The following EREG variants were observed in gnomAD, a reference collection of about 807,000 sequenced individuals.
EREG encodes the protein epiregulin.
A neutral mutation model predicts 22.4 loss-of-function variants in EREG; 23 were observed. The ratio of observed to expected loss-of-function variants is 1.03; its 90% CI spans 0.74 to 1.46. EREG has a LOEUF of 1.46. EREG is among the 40% of genes most tolerant of loss of function. EREG has a pLI of 0.00. For synonymous variants in EREG, 100 were observed against 75.4 expected (o/e 1.33, Z -1.69); for missense variants, 226 against 205.9 (o/e 1.10, Z -0.60).
chr4:74,375,605 A>C (rs1053332339), intron 1 of EREG, among the ~76,000 whole-genome samples: 1 of 151,830 alleles, frequency 6.6e-6, no homozygotes. Context: ...CTGGGATTAC[A>C]GGCGTGAGCC....
At chr4:74,376,598 T>C (rs572320554) in intron 1 of EREG, among the ~76,000 whole-genome samples, 24 of 152,370 alleles carry the variant, frequency 1.6e-4, no homozygotes, top group African/African-American at 5.8e-4. Flanking sequence ...GCTTTAGCTA[T>C]TTCTTTGTCA....
intron 2 of EREG, 138 bp from the exon 3 acceptor site, chr4:74,380,876 C>T: frequency 1.2e-6 from 1 of 832,502 alleles, no homozygotes; most frequent in South Asian, 1.8e-5. Flanking sequence ...GAGTGACTTC[C>T]TACTTCTCAA....
In EREG at chr4:74,370,861, G is replaced by T. The variant is rs539271112; in HGVS notation, c.67+5486G>T. ...TTTTCAGAGATAAGGCAGCTCAGTTGCAGGGAAACAAAATAAGTATGTGAG... is the reference window on the plus strand; with the variant it reads ...TTTTCAGAGATAAGGCAGCTCAGTTTCAGGGAAACAAAATAAGTATGTGAG... On this transcript the variant is annotated intron_variant, in intron 1 of 4. Transcript: ENST00000244869. 2.6e-5 allele frequency among the ~76,000 whole-genome samples: 4 copies of T among 152,294 alleles called. No homozygotes were observed. In the South Asian group the frequency reaches 8.3e-4, roughly 32 times the overall value.
chr4:74,386,104 G>A lies in EREG; in HGVS notation c.*1296G>A. ...CTGCACTCTGAGCCCATAGGTCTCA[G>A]AGAGTTAATAGGAGTATTTTTGGGC... On this transcript the variant is annotated 3_prime_UTR_variant, in exon 5 of 5. Coordinates refer to ENST00000244869, the MANE Select transcript of EREG (RefSeq NM_001432.3). 2 of 309,726 alleles carry A rather than the reference G, an allele frequency of 6.5e-6. No homozygotes were observed. The highest frequency in any genetic ancestry group is 5.9e-6 in the Non-Finnish European group (1 of 170,280). The allele number at this position is 309,726 out of a possible 1,614,324, so 19.2% of individuals were successfully genotyped here.
Position 74,384,742 on chromosome 4 carries a change from A to C in EREG, c.444A>C (p.Lys148Asn). ...ATATTTCCAGGTACAGAAATCGAAA[A>C]AGTAAAGAACCAAAGAAGGAATATG... is the stretch of plus-strand genomic sequence containing the variant. ...YYFCRWYRNR[K>N]SKEPKKEYER... Residue 148 changes from lysine to asparagine, a missense_variant, in exon 5 of 5, where the codon AAA becomes AAC. Physicochemically the swap from Lys to Asn is moderately conservative, Grantham distance 94 (BLOSUM62 0). Coordinates refer to ENST00000244869, the MANE Select transcript of EREG (RefSeq NM_001432.3). 1.2e-6 allele frequency: 2 copies of C among 1,611,984 alleles called. No homozygotes were observed. Among genetic ancestry groups the C allele is most frequent in the Non-Finnish European group, 1.7e-6 (2 of 1,178,212 alleles).
chr4:74,382,323 A>G (rs1006585651), intron 3 of EREG: 13 of 195,998 alleles, frequency 6.6e-5, no homozygotes, highest in Non-Finnish European at 1.2e-4. Context: ...ACAGACAAAC[A>G]AACAAAAAAA....
intron 1 of EREG, among the ~76,000 whole-genome samples, chr4:74,372,312 T>C (rs956440300): frequency 6.6e-6 from 1 of 152,246 alleles, no homozygotes; most frequent in Non-Finnish European, 1.5e-5. Context: ...TCGAGTCTTT[T>C]GAAATCATCT....
At chr4:74,367,517 C>T (rs947735607) in intron 1 of EREG, among the ~76,000 whole-genome samples, 7 of 152,156 alleles carry the variant, frequency 4.6e-5, no homozygotes, top group South Asian at 2.1e-4. Context: ...TAACATCAAA[C>T]ATTTTTATTC....
rs1752498778 is a variant in EREG, at chr4:74,382,711, C to G, written c.345C>G (p.Ser115Arg). The change falls in exon 4 of 5, where the codon AGC becomes AGG. Residue 115 changes from serine to arginine, a missense_variant. Ser to Arg is a moderately radical substitution (Grantham distance 110). Transcript: ENST00000244869. ...TTTTAACCGTCCACCAACCTTTAAG[C>G]AAAGAATATGTGGCTTTGACCGTGA... ...HFFLTVHQPLSKEYVALTVIL... is the reference protein window; with the variant it reads ...HFFLTVHQPLRKEYVALTVIL... The G allele has an allele frequency of 1.2e-5, 19 of 1,613,324 alleles. No individual in the cohort carries two copies. Among genetic ancestry groups the G allele is most frequent in the Non-Finnish European group, 1.6e-5 (19 of 1,179,428 alleles).
At chr4:74,378,670 T>A (rs775860401) in intron 1 of EREG, among the ~76,000 whole-genome samples, 3 of 152,058 alleles carry the variant, frequency 2.0e-5, no homozygotes, top group Non-Finnish European at 4.4e-5. Flanking sequence ...CAGAAGCAGC[T>A]AAAGCTCTTA....
rs59896791 is a variant in EREG at position 74,381,984 on chromosome 4, C to CAAAAAAAAAAAA, written c.279-646_279-635dup. On this transcript the variant is annotated intron_variant, in intron 3 of 4. Transcript: ENST00000244869. ...TGGGCAACACAGCGAGACTCCGTCT[C>CAAAAAAAAAAAA]AAAAAAAAAAAAAAAAAAAAAAAAA... is the stretch of plus-strand genomic sequence containing the variant. The CAAAAAAAAAAAA allele has an allele frequency of 4.2e-4, 16 of 38,096 alleles. 2 individuals carry two copies. Among genetic ancestry groups the CAAAAAAAAAAAA allele is most frequent in the African/African-American group, 1.3e-3 (16 of 12,064 alleles). 2.4% of individuals were successfully genotyped at this position (38,096 alleles called of 1,614,324 possible).
chr4:74,376,475 A>C (rs1752384330), intron 1 of EREG, among the ~76,000 whole-genome samples: 1 of 152,246 alleles, frequency 6.6e-6, no homozygotes, highest in African/African-American at 2.4e-5. Context: ...AAGTATGGTG[A>C]AATTATTATT....
intron 1 of EREG, among the ~76,000 whole-genome samples, chr4:74,370,230 C>T (rs1392681102): frequency 6.6e-6 from 1 of 152,192 alleles, no homozygotes; most frequent in African/African-American, 2.4e-5. Flanking sequence ...TCCTATGGCC[C>T]TGTCACACCA....
rs1752602304 is a variant in EREG at position 74,388,112 on chromosome 4, A to G, written c.*3304A>G. The G allele has an allele frequency of 1.3e-5, 2 of 152,210 alleles. No homozygotes were observed. The highest frequency in any genetic ancestry group is 1.3e-4 in the Admixed American group (2 of 15,276). The allele number at this position is 152,210 out of a possible 1,614,324, so 9.4% of individuals were successfully genotyped here. On this transcript the variant is annotated 3_prime_UTR_variant, in exon 5 of 5. Coordinates refer to ENST00000244869, the MANE Select transcript of EREG (RefSeq NM_001432.3). ...TTCAATCACCACCAGGTATCAAATC[A>G]ACTTTTATGCAGCAAATATATGATT...
Position 74,365,341 on chromosome 4 carries a change from T to G in EREG, c.33T>G (p.Cys11Trp), listed in dbSNP as rs749363159. 1.9e-6 allele frequency: 3 copies of G among 1,609,472 alleles called. No homozygotes were observed. The highest frequency in any genetic ancestry group is 2.5e-6 in the Non-Finnish European group (3 of 1,179,978). MTAGRRMEML[C>W]AGRVPALLLC... ...CGGGGAGGAGGATGGAGATGCTCTGTGCCGGCAGGGTCCCTGCGCTGCTGC... is the reference window on the plus strand; with the variant it reads ...CGGGGAGGAGGATGGAGATGCTCTGGGCCGGCAGGGTCCCTGCGCTGCTGC... The change falls in exon 1 of 5, where the codon TGT becomes TGG. Residue 11 changes from cysteine to tryptophan, a missense_variant. By Grantham distance (215) the Cys-to-Trp change is radical. Transcript: ENST00000244869.
intron 1 of EREG, 50 bp downstream of exon 1, chr4:74,365,425 A>C (rs1752160491): frequency 6.5e-7 from 1 of 1,538,814 alleles, no homozygotes; most frequent in Admixed American, 1.7e-5. Flanking sequence ...GAGACAAATA[A>C]GGAAGGCTCC....
chr4:74,377,796 T>C (rs1023362156), intron 1 of EREG, among the ~76,000 whole-genome samples: 4 of 151,928 alleles, frequency 2.6e-5, no homozygotes, highest in Non-Finnish European at 5.9e-5. Context: ...AACCATCAGA[T>C]CTCATGAGAA....
chr4:74,383,572 C>G (rs1352682750), intron 4 of EREG, among the ~76,000 whole-genome samples: 1 of 151,916 alleles, frequency 6.6e-6, no homozygotes, highest in Non-Finnish European at 1.5e-5. Context: ...GGGTTAGGAG[C>G]AAAGGATGGG....
chr4:74,378,314 G>A (rs1464605319), intron 1 of EREG, among the ~76,000 whole-genome samples: 1 of 152,128 alleles, frequency 6.6e-6, no homozygotes, highest in Non-Finnish European at 1.5e-5. Context: ...ATAAGCACCG[G>A]AATCCAAACG....
Sources: allele counts gnomAD v4.1 joint callset (sites outside exome capture counted in the v4.1 genomes callset), GRCh38; gene constraint gnomAD v4.1.1; transcripts MANE v1.5; gene names NCBI Gene and HGNC (gene_info 2026-07-23, HGNC 2026-07-21).